The following SREK1 variants were observed in gnomAD, a reference collection of about 807,000 sequenced individuals.
SREK1 encodes the protein splicing regulatory glutamic acid and lysine rich protein 1.
In SREK1, 13 loss-of-function variants were observed where a neutral mutation model predicts 66.5. The ratio of observed to expected loss-of-function variants is 0.20; its 90% CI spans 0.13 to 0.31. SREK1 has a LOEUF of 0.31. Among genes scored for constraint, SREK1 ranks in the 10% least tolerant of loss-of-function variants. SREK1 has a pLI of 1.00. For missense variants in SREK1, 607 were observed against 769.6 expected, an observed-to-expected ratio of 0.79 and a Z score of 2.50; for synonymous variants, 265 against 263.5, an observed-to-expected ratio of 1.01 and a Z score of -0.05.
chr5:66,168,306 G>C (rs1745331307), intron 7 of SREK1: 1 of 152,058 alleles, frequency 6.6e-6, no homozygotes, highest in Non-Finnish European at 1.5e-5. Context: ...TTATTAATGA[G>C]GATTATTTGG....
chr5:66,144,368 G>A lies in SREK1; in HGVS notation c.-9G>A, dbSNP rs1245591731. On this transcript the variant is annotated 5_prime_UTR_variant, in exon 1 of 12. Transcript: ENST00000334121. ...TGGGGAGCGGGAAGGCAACGGCAGC[G>A]GGATCGGGATGAACAGCGGCGGCGG... The A allele has an allele frequency of 2.0e-6, 3 of 1,534,092 alleles. No homozygotes were observed. In the East Asian group the frequency reaches 7.5e-5, roughly 38 times the overall value.
intron 1 of SREK1, among the ~76,000 whole-genome samples, chr5:66,147,174 T>C (rs1743313435): frequency 6.6e-6 from 1 of 152,216 alleles, no homozygotes; most frequent in Non-Finnish European, 1.5e-5. Flanking sequence ...GTTAAGAATT[T>C]TTTAAGGCTA....
intron 1 of SREK1, 150 bp from the exon 2 acceptor site, chr5:66,153,313 T>G: frequency 1.0e-6 from 1 of 955,794 alleles, no homozygotes; most frequent in Non-Finnish European, 1.5e-6. Context: ...TAAGTTTCAC[T>G]GTTTTATGTG....
intron 9 of SREK1, among the ~76,000 whole-genome samples, chr5:66,174,250 T>C (rs575714739): frequency 6.6e-6 from 1 of 152,224 alleles, no homozygotes; most frequent in South Asian, 2.1e-4. Flanking sequence ...GCAAAATGGT[T>C]TTTAATAATA....
intron 2 of SREK1, chr5:66,156,172 C>T: frequency 2.2e-6 from 3 of 1,363,418 alleles, no homozygotes; most frequent in East Asian, 3.0e-5. Context: ...GAAATGAGAT[C>T]GGAGTCTGAA....
intron 9 of SREK1, among the ~76,000 whole-genome samples, chr5:66,173,422 T>G (rs764583760): frequency 4.6e-5 from 7 of 152,324 alleles, no homozygotes; most frequent in Non-Finnish European, 1.0e-4. Context: ...TTATCCTAAA[T>G]CCTCAACAAC....
chr5:66,149,800 A>G (rs534768886), intron 1 of SREK1, among the ~76,000 whole-genome samples: 5 of 152,360 alleles, frequency 3.3e-5, no homozygotes, highest in African/African-American at 1.2e-4. Context: ...GGACAGAAAC[A>G]GTGTTACCCA....
At chr5:66,150,606 G>T (rs1225261389) in intron 1 of SREK1, among the ~76,000 whole-genome samples, 1 of 152,192 alleles carries the variant, frequency 6.6e-6, no homozygotes, top group Non-Finnish European at 1.5e-5. Context: ...AGGATTTGAG[G>T]TTGGGTGCTG....
chr5:66,159,986 T>C (rs1176364829), intron 3 of SREK1, among the ~76,000 whole-genome samples: 1 of 152,062 alleles, frequency 6.6e-6, no homozygotes, highest in Non-Finnish European at 1.5e-5. Context: ...AAAACTTCTC[T>C]GGGCGTGGTG....
chr5:66,145,221 A>C, intron 1 of SREK1: 13 of 958,402 alleles, frequency 1.4e-5, no homozygotes, highest in Non-Finnish European at 1.6e-5. Context: ...GTATACATTT[A>C]AAGTCCAGAT....
At chr5:66,154,262 C>A (rs1018384459) in intron 2 of SREK1, among the ~76,000 whole-genome samples, 1 of 152,172 alleles carries the variant, frequency 6.6e-6, no homozygotes. Flanking sequence ...AATTTTATGA[C>A]CTAAACTGCT....
intron 1 of SREK1, chr5:66,145,175 A>G (rs1041976267): frequency 4.3e-5 from 42 of 985,326 alleles, no homozygotes; most frequent in African/African-American, 5.2e-5. Flanking sequence ...CAAAGCTTTC[A>G]GAAAAAGTGT....
At chr5:66,151,475 C>T (rs1173142083) in intron 1 of SREK1, among the ~76,000 whole-genome samples, 1 of 152,116 alleles carries the variant, frequency 6.6e-6, no homozygotes, top group Admixed American at 6.5e-5. Flanking sequence ...AGGTTTCGGA[C>T]TTGGGTAGTA....
intron 7 of SREK1, 121 bp downstream of exon 7, chr5:66,165,018 G>A (rs947635566): frequency 2.8e-5 from 24 of 869,656 alleles, no homozygotes; most frequent in African/African-American, 3.4e-5. Flanking sequence ...CACCTGAAGT[G>A]TGGTTACCTT....
chr5:66,160,392 G>C (rs913123705), intron 3 of SREK1, among the ~76,000 whole-genome samples: 2 of 152,140 alleles, frequency 1.3e-5, no homozygotes, highest in Non-Finnish European at 2.9e-5. Context: ...TAGATTTGTA[G>C]TTTTTACATA....
intron 1 of SREK1, among the ~76,000 whole-genome samples, chr5:66,145,646 A>C (rs1330682110): frequency 6.6e-6 from 1 of 151,820 alleles, no homozygotes; most frequent in Admixed American, 6.6e-5. Context: ...TTTCATGCAT[A>C]CAGAAAAGTT....
At chr5:66,171,022 A>G (rs944761576) in intron 9 of SREK1, 75 bp downstream of exon 9, 44 of 1,519,662 alleles carry the variant, frequency 2.9e-5, no homozygotes, top group Admixed American at 1.1e-4. Flanking sequence ...ACGGAGGGAG[A>G]AAAGGTTACT....
intron 2 of SREK1, chr5:66,159,005 A>T: frequency 7.2e-7 from 1 of 1,397,126 alleles, no homozygotes; most frequent in South Asian, 1.4e-5. Context: ...CATTAATGAG[A>T]TTGTTAATAT....
intron 1 of SREK1, among the ~76,000 whole-genome samples, chr5:66,145,789 T>G (rs1156344808): frequency 1.4e-5 from 2 of 146,290 alleles, no homozygotes; most frequent in Admixed American, 7.2e-5. Flanking sequence ...AGTATGTAAT[T>G]AGATAACACT....
Sources: allele counts gnomAD v4.1 joint callset (sites outside exome capture counted in the v4.1 genomes callset), GRCh38; gene constraint gnomAD v4.1.1; transcripts MANE v1.5; gene names NCBI Gene and HGNC (gene_info 2026-07-23, HGNC 2026-07-21).